EPHA7: variants seen among roughly 807,000 people sequenced by gnomAD.
EPHA7 encodes the protein EPH receptor A7, also known as ephrin type-A receptor 7.
EPHA7 carries 25 observed loss-of-function variants against 112.6 expected under a neutral mutation model. The ratio of observed to expected loss-of-function variants is 0.22; its 90% CI spans 0.16 to 0.31. The LOEUF is 0.31. Among genes scored for constraint, EPHA7 ranks in the 10% least tolerant of loss-of-function variants. EPHA7 has a pLI of 1.00. For missense variants in EPHA7, 962 were observed against 1,212.6 expected, an observed-to-expected ratio of 0.79 and a Z score of 3.07; for synonymous variants, 437 against 406.5, an observed-to-expected ratio of 1.07 and a Z score of -0.90.
chr6:93,305,171 A>C (rs1184363263), intron 5 of EPHA7, among the ~76,000 whole-genome samples: 1 of 151,958 alleles, frequency 6.6e-6, no homozygotes, highest in Non-Finnish European at 1.5e-5. Flanking sequence ...ATGTATGTAG[A>C]ATCAATGCAC....
intron 9 of EPHA7, among the ~76,000 whole-genome samples, chr6:93,262,287 T>C (rs193197826): frequency 1.3e-4 from 20 of 151,490 alleles, no homozygotes; most frequent in Admixed American, 2.0e-4. Flanking sequence ...AAACTACCTA[T>C]GGTTCTCTCT....
At chr6:93,299,376 A>G (rs1422922565) in intron 5 of EPHA7, among the ~76,000 whole-genome samples, 2 of 151,632 alleles carry the variant, frequency 1.3e-5, no homozygotes, top group African/African-American at 2.4e-5. Flanking sequence ...AAGAAGAAAG[A>G]AAAAAAGCTC....
At position 93,346,949 on chromosome 6, in the gene EPHA7, C is replaced by T. The variant is rs114071820; in HGVS notation, c.1324+9768G>A. 8.2e-3 allele frequency among the ~76,000 whole-genome samples: 1,249 copies of T among 151,812 alleles called. 15 individuals carry two copies. The highest frequency in any genetic ancestry group is 0.027 in the African/African-American group (1,128 of 41,464). On this transcript the variant is annotated intron_variant, in intron 5 of 16. Coordinates refer to ENST00000369303, the MANE Select transcript of EPHA7 (RefSeq NM_004440.4). The stretch of plus-strand genomic sequence containing the variant: ...ACTTACAATGTCTACTACATAAACT[C>T]GCAATTGCAAAATAAACGATCTTCT...
At chr6:93,389,629 T>A (rs1415194677) in intron 3 of EPHA7, among the ~76,000 whole-genome samples, 1 of 151,872 alleles carries the variant, frequency 6.6e-6, no homozygotes, top group Admixed American at 6.6e-5. Context: ...AATAAGCAAG[T>A]AAAAATAGAA....
chr6:93,411,634 C>T (rs1048342104), intron 2 of EPHA7, among the ~76,000 whole-genome samples: 3 of 151,970 alleles, frequency 2.0e-5, no homozygotes, highest in African/African-American at 7.3e-5. Context: ...AAAATGCCCA[C>T]GGTATTCTGA....
intron 5 of EPHA7, among the ~76,000 whole-genome samples, chr6:93,325,153 T>C (rs1043509408): frequency 6.6e-6 from 1 of 151,356 alleles, no homozygotes; most frequent in Non-Finnish European, 1.5e-5. Context: ...AATATATGCA[T>C]ATAGGGAAAC....
rs1769731003 is a variant in EPHA7 at position 93,242,460 on chromosome 6, A to G, written c.*966T>C. ...TTATCCTAAATTTCCTAATGTCACG[A>G]GAATGAAAAAATCTTGATGTGCTCA... On this transcript the variant is annotated 3_prime_UTR_variant, in exon 17 of 17. Transcript: ENST00000369303. The G allele has an allele frequency of 5.1e-6, 1 of 196,122 alleles. No homozygotes were observed. Among genetic ancestry groups the G allele is most frequent in the African/African-American group, 2.3e-5 (1 of 43,342 alleles). 12.1% of individuals were successfully genotyped at this position (196,122 alleles called of 1,614,324 possible).
At chr6:93,391,340 A>G (rs1777895526) in intron 3 of EPHA7, among the ~76,000 whole-genome samples, 1 of 152,002 alleles carries the variant, frequency 6.6e-6, no homozygotes, top group African/African-American at 2.4e-5. Context: ...CCATCTAAGA[A>G]ACAAACCAAA....
chr6:93,397,603 G>A (rs1214513743), intron 3 of EPHA7, among the ~76,000 whole-genome samples: 8 of 151,834 alleles, frequency 5.3e-5, no homozygotes, highest in African/African-American at 7.3e-5. Context: ...GTCTACCTAC[G>A]AATATTCTCA....
chr6:93,325,716 CTG>C (rs1651799406), intron 5 of EPHA7, among the ~76,000 whole-genome samples: 1 of 151,286 alleles, frequency 6.6e-6, no homozygotes, highest in Admixed American at 6.6e-5. Context: ...CAGTAAAAAA[CTG>C]TTACGAATCT....
chr6:93,380,689 C>T (rs1222325848), intron 3 of EPHA7, among the ~76,000 whole-genome samples: 1 of 152,054 alleles, frequency 6.6e-6, no homozygotes, highest in Non-Finnish European at 1.5e-5. Flanking sequence ...AAAATTGGCA[C>T]ATTATTCCAA....
chr6:93,375,944 C>T (rs2127965342), intron 3 of EPHA7, among the ~76,000 whole-genome samples: 1 of 152,160 alleles, frequency 6.6e-6, no homozygotes, highest in Admixed American at 6.5e-5. Context: ...TGTTATTTCT[C>T]CTATCCAGTG....
intron 5 of EPHA7, among the ~76,000 whole-genome samples, chr6:93,300,799 C>T (rs866331851): frequency 6.6e-5 from 10 of 152,238 alleles, no homozygotes; most frequent in African/African-American, 1.2e-4. Flanking sequence ...CATTCCTTAA[C>T]GATGGGAATA....
At chr6:93,357,910 T>C (rs1488837548) in intron 4 of EPHA7, among the ~76,000 whole-genome samples, 3 of 152,154 alleles carry the variant, frequency 2.0e-5, no homozygotes, top group South Asian at 2.1e-4. Context: ...TCCACCCGCC[T>C]TGGCCTCCCA....
In EPHA7 at chr6:93,410,938, T is replaced by C; in HGVS notation, c.395A>G (p.Tyr132Cys). 1 of 1,614,012 alleles carries C rather than the reference T, an allele frequency of 6.2e-7. No individual in the cohort carries two copies. The highest frequency in any genetic ancestry group is 1.1e-5 in the South Asian group (1 of 91,074). ...TFNLYYYETD[Y>C]DTGRNIRENL... The stretch of plus-strand genomic sequence containing the variant: ...TTCTCTTATATTCCTGCCAGTGTCA[T>C]AGTCTGTTTCATAATAGTACAAATT... The change falls in exon 3 of 17, where the codon TAT (tyrosine) becomes TGT (cysteine). Residue 132 changes from tyrosine to cysteine, a missense_variant. By Grantham distance (194) the Tyr-to-Cys change is radical. This residue lies in a region of EPHA7 where 160 missense variants were observed against 263.6 expected (regional missense o/e 0.61). Coordinates refer to ENST00000369303, the MANE Select transcript of EPHA7 (RefSeq NM_004440.4). The surrounding 1 kb of genome is among the most constrained non-coding windows in gnomAD (Gnocchi z 4.0).
intron 2 of EPHA7, 148 bp from the exon 3 acceptor site, chr6:93,411,318 C>G (rs537125036): frequency 6.8e-5 from 44 of 647,842 alleles, no homozygotes; most frequent in Non-Finnish European, 1.2e-4. Flanking sequence ...ATGTAAGATT[C>G]CAGGTTCTGC....
chr6:93,303,002 C>T (rs1220447903), intron 5 of EPHA7, among the ~76,000 whole-genome samples: 2 of 152,052 alleles, frequency 1.3e-5, no homozygotes, highest in Non-Finnish European at 2.9e-5. Flanking sequence ...TAAAGACCTG[C>T]CATACACATA....
intron 5 of EPHA7, among the ~76,000 whole-genome samples, chr6:93,334,813 T>C (rs1368901297): frequency 6.6e-6 from 1 of 152,076 alleles, no homozygotes; most frequent in African/African-American, 2.4e-5. Flanking sequence ...ACCATGAACA[T>C]ATTTGCATGT....
chr6:93,377,925 T>C (rs1042600528), intron 3 of EPHA7, among the ~76,000 whole-genome samples: 2 of 152,112 alleles, frequency 1.3e-5, no homozygotes, highest in Non-Finnish European at 1.5e-5. Flanking sequence ...CTAGACCCCT[T>C]GTAGGAAGAA....
Sources: allele counts gnomAD v4.1 joint callset (sites outside exome capture counted in the v4.1 genomes callset), GRCh38; gene constraint gnomAD v4.1.1; regional missense constraint gnomAD v4.1.1; non-coding constraint Gnocchi (gnomAD v3.1); transcripts MANE v1.5; gene names NCBI Gene and HGNC (gene_info 2026-07-23, HGNC 2026-07-21).